Variants in OR51E2 observed in about 807,000 individuals in gnomAD.
The protein encoded by OR51E2 is olfactory receptor 51E2.
A neutral mutation model predicts 13.7 loss-of-function variants in OR51E2; 14 were observed. That is an observed-to-expected ratio of 1.02 (90% CI 0.68 to 1.60). The LOEUF is 1.60. Ranked by LOEUF, OR51E2 falls within the 40% of genes most tolerant of loss-of-function variation. The pLI is 0.00. For synonymous variants in OR51E2, 180 were observed against 157.6 expected, an observed-to-expected ratio of 1.14 and a Z score of -1.07; for missense variants, 483 against 413.8, an observed-to-expected ratio of 1.17 and a Z score of -1.45.
chr11:4,696,256 TTC>T (rs1258284610), intron 1 of OR51E2, among the ~76,000 whole-genome samples: 1 of 152,130 alleles, frequency 6.6e-6, no homozygotes, highest in African/African-American at 2.4e-5. Flanking sequence ...ATGGAACTCA[TTC>T]TCTCGTCCCC....
At chr11:4,690,477 C>T (rs1847563514) in intron 1 of OR51E2, 1 of 172,492 alleles carries the variant, frequency 5.8e-6, no homozygotes, top group African/African-American at 2.4e-5. Context: ...CAGAAGGCAA[C>T]AACAGTTTGG....
At chr11:4,693,971 A>T (rs77731458) in intron 1 of OR51E2, among the ~76,000 whole-genome samples, 1 of 152,238 alleles carries the variant, frequency 6.6e-6, no homozygotes, top group South Asian at 2.1e-4. Context: ...AAAAATGGTT[A>T]TGAAAGTACA....
At chr11:4,693,107 G>A (rs1245562201) in intron 1 of OR51E2, among the ~76,000 whole-genome samples, 2 of 152,118 alleles carry the variant, frequency 1.3e-5, no homozygotes, top group East Asian at 3.8e-4. Flanking sequence ...AATTTTAAAT[G>A]TTCACAGCAC....
In OR51E2 at chr11:4,682,729, G is replaced by C; in HGVS notation, c.-18C>G. ...GAACTCATAGCTGGAACTGAGGAGG[G>C]GTGACTGGAGAGGGTGAGGTCACAC... is the stretch of plus-strand genomic sequence containing the variant. On this transcript the variant is annotated 5_prime_UTR_variant, in exon 2 of 2. Transcript: ENST00000396950. The C allele has an allele frequency of 3.7e-6, 6 of 1,606,528 alleles. No individual in the cohort carries two copies. The South Asian group carries it at 6.7e-5, about 18-fold the overall frequency.
At chr11:4,687,661 A>T (rs948750071) in intron 1 of OR51E2, among the ~76,000 whole-genome samples, 9 of 152,224 alleles carry the variant, frequency 5.9e-5, no homozygotes, top group African/African-American at 2.2e-4. Context: ...ATAGATAGAA[A>T]TGTGGAAACA....
Position 4,682,214 on chromosome 11 carries a change from G to A in OR51E2, c.498C>T (p.Ala166=), listed in dbSNP as rs1372459294. Residue 166 remains alanine, a synonymous_variant, in exon 2 of 2, where the codon GCC becomes GCT. Coordinates refer to ENST00000396950, the MANE Select transcript of OR51E2 (RefSeq NM_030774.4). ...GCGAGAGGACATTGGAGTGGCAGAA[G>A]GCCAGCCGCTTGATCAGCAGAGGCA... ...FPLPLLIKRL[A]FCHSNVLSHS... is the part of the protein sequence containing the mutation. 1.9e-6 allele frequency: 3 copies of A among 1,614,214 alleles called. No individual in the cohort carries two copies. Among genetic ancestry groups the A allele is most frequent in the Non-Finnish European group, 8.5e-7 (1 of 1,180,042 alleles).
At chr11:4,692,055 T>C (rs1847588505) in intron 1 of OR51E2, 1 of 372,870 alleles carries the variant, frequency 2.7e-6, no homozygotes, top group Non-Finnish European at 5.3e-6. Context: ...ATTTCATTCT[T>C]TATGGCATGT....
intron 1 of OR51E2, among the ~76,000 whole-genome samples, chr11:4,695,162 G>C (rs1420683058): frequency 6.6e-6 from 1 of 152,142 alleles, no homozygotes; most frequent in Non-Finnish European, 1.5e-5. Flanking sequence ...AATTTTTGCA[G>C]AGCATCAAGA....
chr11:4,685,546 C>A (rs941900753), intron 1 of OR51E2, among the ~76,000 whole-genome samples: 2 of 152,208 alleles, frequency 1.3e-5, no homozygotes, highest in Non-Finnish European at 2.9e-5. Context: ...ATATCTTTCC[C>A]TAACCTTTCT....
rs757432468 is a variant in OR51E2, at chr11:4,682,664, G to C, written c.48C>G (p.Ile16Met). The C allele has an allele frequency of 6.2e-7, 1 of 1,614,190 alleles. No individual in the cohort carries two copies. The highest frequency in any genetic ancestry group is 8.5e-7 in the Non-Finnish European group (1 of 1,180,024). ...FTHATFVLIG[I>M]PGLEKAHFWV... ...AGAAATGGGCTTTCTCTAATCCTGG[G>C]ATACCAATAAGCACAAAGGTGGCAT... Residue 16 changes from isoleucine (I) to methionine (M), a missense_variant, in exon 2 of 2, where the codon ATC (isoleucine) becomes ATG (methionine). Physicochemically the swap from Ile to Met is conservative, Grantham distance 10. Transcript: ENST00000396950.
rs1426724790 is a variant in OR51E2, at chr11:4,682,316, A to C, written c.396T>G (p.Ala132=). 4 of 1,614,084 alleles carry C rather than the reference A, an allele frequency of 2.5e-6. No individual in the cohort carries two copies. In the East Asian group the frequency reaches 8.9e-5, roughly 36 times the overall value. Reference sequence around the variant, plus strand: ...CTGTTACTGTATTGTTGAGCACTGCAGCATGGCGCAGTGGGTGGCAGATGG... The same window carrying C: ...CTGTTACTGTATTGTTGAGCACTGCCGCATGGCGCAGTGGGTGGCAGATGG... ...YVAICHPLRH[A]AVLNNTVTAQ... Residue 132 remains alanine (A), a synonymous_variant, in exon 2 of 2, where the codon GCT becomes GCG. Transcript: ENST00000396950.
intron 1 of OR51E2, chr11:4,690,687 G>T: frequency 3.1e-6 from 1 of 327,434 alleles, no homozygotes; most frequent in Non-Finnish European, 6.0e-6. Context: ...GTTGTTTTTT[G>T]TTTTTAATTG....
intron 1 of OR51E2, among the ~76,000 whole-genome samples, chr11:4,687,992 C>T (rs73388897): frequency 0.015 from 2,287 of 152,134 alleles, 55 homozygotes; most frequent in African/African-American, 0.052. Flanking sequence ...AGAGGGGAAG[C>T]AATGAAGCTT....
intron 1 of OR51E2, among the ~76,000 whole-genome samples, chr11:4,684,323 A>C (rs986975566): frequency 9.9e-5 from 15 of 152,206 alleles, no homozygotes; most frequent in African/African-American, 3.4e-4. Context: ...AGATGATTGC[A>C]TCCTTTAGTG....
chr11:4,681,963 A>T lies in OR51E2; in HGVS notation c.749T>A (p.Phe250Tyr). ...TGAGAGGCCAATAAGTGGCACATAG[A>T]AGGCGAGTACCACACCAATGTGTGA... Reference protein sequence around the residue: ...CVSHIGVVLAFYVPLIGLSVV... With the variant: ...CVSHIGVVLAYYVPLIGLSVV... Residue 250 changes from phenylalanine (F) to tyrosine (Y), a missense_variant, in exon 2 of 2, where the codon TTC (phenylalanine) becomes TAC (tyrosine). Phe to Tyr is a conservative substitution (Grantham distance 22). Coordinates refer to ENST00000396950, the MANE Select transcript of OR51E2 (RefSeq NM_030774.4). The T allele has an allele frequency of 6.2e-7, 1 of 1,614,138 alleles. No individual in the cohort carries two copies. The highest frequency in any genetic ancestry group is 8.5e-7 in the Non-Finnish European group (1 of 1,179,962).
intron 1 of OR51E2, chr11:4,691,744 A>G (rs192956655): frequency 5.8e-6 from 2 of 342,882 alleles, no homozygotes; most frequent in African/African-American, 2.1e-5. Flanking sequence ...CTTAAACAAA[A>G]AAAAGCTACA....
In OR51E2 at chr11:4,697,709, G is replaced by C. The variant is rs528578093; in HGVS notation, c.-107C>G. 6.6e-6 allele frequency: 1 copy of C among 152,650 alleles called. No homozygotes were observed. The highest frequency in any genetic ancestry group is 2.1e-4 in the South Asian group (1 of 4,832). The allele number at this position is 152,650 out of a possible 1,614,324, so 9.5% of individuals were successfully genotyped here. A position where few individuals can be genotyped will look rare whatever the true frequency, so the allele number is the denominator to read the frequency against. ...TCAGGCTGACTCAGAAGGCTGAGGAGGCTTTAGATTCCAGGGGAGGGCCGA... is the reference window on the plus strand; with the variant it reads ...TCAGGCTGACTCAGAAGGCTGAGGACGCTTTAGATTCCAGGGGAGGGCCGA... On this transcript the variant is annotated 5_prime_UTR_variant, in exon 1 of 2. Transcript: ENST00000396950.
At chr11:4,695,149 T>A (rs550571563) in intron 1 of OR51E2, among the ~76,000 whole-genome samples, 15 of 152,304 alleles carry the variant, frequency 9.8e-5, no homozygotes, top group Admixed American at 4.6e-4. Context: ...TGTAATGAAC[T>A]TAAATTTTTG....
chr11:4,683,275 GAC>G (rs1478164033), intron 1 of OR51E2, among the ~76,000 whole-genome samples: 1 of 151,844 alleles, frequency 6.6e-6, no homozygotes, highest in Non-Finnish European at 1.5e-5. Flanking sequence ...GTAGAAATTA[GAC>G]AGAGTGGAAT....
Sources: gnomAD v4.1 joint callset for allele counts (sites outside exome capture counted in the v4.1 genomes callset) on GRCh38, gnomAD v4.1.1 for gene constraint, MANE v1.5 for transcripts, NCBI Gene and HGNC (gene_info 2026-07-23, HGNC 2026-07-21) for gene names.